Variants in LHFPL3 observed in about 807,000 individuals in gnomAD.
LHFPL3 encodes LHFPL tetraspan subfamily member 3 protein.
A neutral mutation model predicts 19.3 loss-of-function variants in LHFPL3; 5 were observed. The ratio of observed to expected loss-of-function variants is 0.26; its 90% CI spans 0.14 to 0.54. The LOEUF (loss-of-function observed/expected upper bound fraction) is 0.54, where lower values mean the gene tolerates loss of function less well. Among genes scored for constraint, LHFPL3 ranks in the 20% least tolerant of loss-of-function variants. LHFPL3 has a pLI of 0.94. For missense variants in LHFPL3, 249 were observed against 307.4 expected (o/e 0.81, Z 1.42); for synonymous variants, 133 against 126.2 (o/e 1.05, Z -0.36).
chr7:104,818,882 T>G (rs944996432), intron 2 of LHFPL3, among the ~76,000 whole-genome samples: 7 of 152,304 alleles, frequency 4.6e-5, no homozygotes, highest in Middle Eastern at 3.4e-3. Context: ...TTGCTTGTTT[T>G]GGGGTTTCCT....
chr7:104,627,853 A>C (rs1791574968), intron 1 of LHFPL3, among the ~76,000 whole-genome samples: 1 of 152,202 alleles, frequency 6.6e-6, no homozygotes, highest in African/African-American at 2.4e-5. Context: ...CCCAATGCAA[A>C]ATCCAAATAA....
chr7:104,546,217 A>C (rs1794576454), intron 1 of LHFPL3, among the ~76,000 whole-genome samples: 1 of 152,204 alleles, frequency 6.6e-6, no homozygotes. Context: ...CCTGACTTTG[A>C]AAGAAATATC....
At chr7:104,720,377 T>C (rs573036361) in intron 1 of LHFPL3, among the ~76,000 whole-genome samples, 2 of 152,208 alleles carry the variant, frequency 1.3e-5, no homozygotes, top group Non-Finnish European at 2.9e-5. Flanking sequence ...TTATACCTTA[T>C]ACAAAAATTA....
intron 1 of LHFPL3, among the ~76,000 whole-genome samples, chr7:104,634,631 C>A (rs867050082): frequency 1.3e-5 from 2 of 152,166 alleles, no homozygotes; most frequent in African/African-American, 2.4e-5. Flanking sequence ...CATCCCCCAG[C>A]CCTAGTATGC....
chr7:104,657,359 T>TAGC (rs1792139544), intron 1 of LHFPL3, among the ~76,000 whole-genome samples: 1 of 152,258 alleles, frequency 6.6e-6, no homozygotes, highest in Non-Finnish European at 1.5e-5. Context: ...GAGCCATGTG[T>TAGC]AGCTAATGGC....
At chr7:104,583,976 A>T (rs1197899468) in intron 1 of LHFPL3, among the ~76,000 whole-genome samples, 1 of 152,170 alleles carries the variant, frequency 6.6e-6, no homozygotes. Flanking sequence ...CCAAAGGATT[A>T]TAAATCATGC....
chr7:104,742,306 A>G (rs1174555029), intron 2 of LHFPL3, among the ~76,000 whole-genome samples: 5 of 152,214 alleles, frequency 3.3e-5, no homozygotes, highest in Admixed American at 6.5e-5. Flanking sequence ...CCTCTCCTGA[A>G]CAATTTTAAA....
intron 1 of LHFPL3, among the ~76,000 whole-genome samples, chr7:104,640,532 T>C (rs1235700588): frequency 4.6e-5 from 7 of 152,228 alleles, no homozygotes; most frequent in Admixed American, 1.3e-4. Context: ...TGATGGGCAT[T>C]TGGTTTGGTT....
At chr7:104,687,875 T>C (rs1038940003) in intron 1 of LHFPL3, among the ~76,000 whole-genome samples, 1 of 152,180 alleles carries the variant, frequency 6.6e-6, no homozygotes, top group Non-Finnish European at 1.5e-5. Flanking sequence ...TCTAGCAGAA[T>C]GGGTGGTAGA....
chr7:104,801,038 C>G (rs1468234514), intron 2 of LHFPL3, among the ~76,000 whole-genome samples: 1 of 152,178 alleles, frequency 6.6e-6, no homozygotes, highest in Non-Finnish European at 1.5e-5. Context: ...TTTCCAGTTT[C>G]CCAAGGGCTG....
intron 1 of LHFPL3, among the ~76,000 whole-genome samples, chr7:104,610,832 C>A (rs1584437574): frequency 6.6e-6 from 1 of 152,150 alleles, no homozygotes; most frequent in East Asian, 1.9e-4. Flanking sequence ...CATCCTGTGG[C>A]CCAGTTAAGT....
rs1161725097 is a variant in LHFPL3 at position 104,645,662 on chromosome 7, T to TC, written c.446-91013_446-91012insC. Among the ~76,000 whole-genome samples, 211 of 130,112 alleles carry TC rather than the reference T, an allele frequency of 1.6e-3. 3 individuals are homozygous for TC. Among genetic ancestry groups the TC allele is most frequent in the African/African-American group, 5.8e-3 (201 of 34,460 alleles). The allele number at this position is 130,112 out of a possible 152,430, so 85.4% of individuals were successfully genotyped here. A position where few individuals can be genotyped will look rare whatever the true frequency, so the allele number is the denominator to read the frequency against. On this transcript the variant is annotated intron_variant, in intron 1 of 2. Transcript: ENST00000424859. Reference sequence around the variant, plus strand: ...TTGCTCTATTGGGTTTTCTTTTTTTTTTTTTTTTTTTTTTTTTAGATGGAG... The same window carrying TC: ...TTGCTCTATTGGGTTTTCTTTTTTTTCTTTTTTTTTTTTTTTTTAGATGGAG...
intron 1 of LHFPL3, among the ~76,000 whole-genome samples, chr7:104,404,263 T>C (rs1791374240): frequency 6.6e-6 from 1 of 152,192 alleles, no homozygotes; most frequent in African/African-American, 2.4e-5. Flanking sequence ...TTTTCCTACT[T>C]CCTATAACAG....
At chr7:104,478,393 G>T (rs906195948) in intron 1 of LHFPL3, among the ~76,000 whole-genome samples, 4 of 152,068 alleles carry the variant, frequency 2.6e-5, no homozygotes, top group Admixed American at 6.6e-5. Flanking sequence ...GGGGCTCTTG[G>T]GGGTAGTTTT....
chr7:104,381,760 CA>C, intron 1 of LHFPL3, among the ~76,000 whole-genome samples: 1 of 152,200 alleles, frequency 6.6e-6, no homozygotes, highest in South Asian at 2.1e-4. Context: ...TACATTCTAC[CA>C]AAAACACTGT....
At chr7:104,589,494 T>A (rs998245747) in intron 1 of LHFPL3, among the ~76,000 whole-genome samples, 1 of 152,248 alleles carries the variant, frequency 6.6e-6, no homozygotes, top group Non-Finnish European at 1.5e-5. Flanking sequence ...CTTTTTGATG[T>A]GCTGCTGGAT....
At chr7:104,904,931 C>T (rs991848010) in intron 2 of LHFPL3, among the ~76,000 whole-genome samples, 1 of 152,036 alleles carries the variant, frequency 6.6e-6, no homozygotes, top group African/African-American at 2.4e-5. Flanking sequence ...AGTAATTATC[C>T]CCTGAGAATT....
intron 1 of LHFPL3, among the ~76,000 whole-genome samples, chr7:104,717,211 A>C (rs2116234214): frequency 6.6e-6 from 1 of 152,336 alleles, no homozygotes; most frequent in East Asian, 1.9e-4. Context: ...CTGAGAAGAA[A>C]ACACAGAGGG....
chr7:104,729,978 G>C (rs1472538818), intron 1 of LHFPL3, among the ~76,000 whole-genome samples: 1 of 150,526 alleles, frequency 6.6e-6, no homozygotes, highest in Non-Finnish European at 1.5e-5. Flanking sequence ...TCCCACCTAT[G>C]AGTGAGAACA....
Sources: gnomAD v4.1 joint callset for allele counts (sites outside exome capture counted in the v4.1 genomes callset) on GRCh38, gnomAD v4.1.1 for gene constraint, MANE v1.5 for transcripts, NCBI Gene and HGNC (gene_info 2026-07-23, HGNC 2026-07-21) for gene names.